The following VAT1L variants were observed in gnomAD, a reference collection of about 807,000 sequenced individuals.
VAT1L encodes the protein vesicle amine transport 1 like.
A neutral mutation model predicts 44.1 loss-of-function variants in VAT1L; 34 were observed. The ratio of observed to expected loss-of-function variants is 0.77; its 90% CI spans 0.59 to 1.03. VAT1L has a LOEUF of 1.03. Ranked by LOEUF, VAT1L falls within the 50% of genes least tolerant of loss-of-function variation. The pLI is 0.00. For missense variants in VAT1L, 615 were observed against 538.8 expected, an observed-to-expected ratio of 1.14 and a Z score of -1.40; for synonymous variants, 253 against 202.2, an observed-to-expected ratio of 1.25 and a Z score of -2.13.
intron 8 of VAT1L, among the ~76,000 whole-genome samples, chr16:77,974,222 G>A (rs778615733): frequency 4.6e-5 from 7 of 152,160 alleles, no homozygotes; most frequent in Non-Finnish European, 8.8e-5. Flanking sequence ...GAGAGGGAGG[G>A]GAGGGAGTGA....
At chr16:77,860,398 G>A (rs994959783) in intron 3 of VAT1L, among the ~76,000 whole-genome samples, 1 of 152,196 alleles carries the variant, frequency 6.6e-6, no homozygotes, top group African/African-American at 2.4e-5. Flanking sequence ...AGGACTCAGT[G>A]GGCAGCTTGG....
At chr16:77,789,906 G>A (rs1013122056) in intron 1 of VAT1L, among the ~76,000 whole-genome samples, 3 of 152,174 alleles carry the variant, frequency 2.0e-5, no homozygotes, top group Admixed American at 1.3e-4. Context: ...AGCAGAGGCG[G>A]ACTGGACCCA....
At position 77,936,679 on chromosome 16, in the gene VAT1L, T is replaced by C. The variant is rs570835709; in HGVS notation, c.1078-35171T>C. On this transcript the variant is annotated intron_variant, in intron 7 of 8. Coordinates refer to ENST00000302536, the MANE Select transcript of VAT1L (RefSeq NM_020927.3). ...CTGCCTCACAGTTTGAATCCCAGGTTCCACACAGGAAGAGGAGGGGCCAGG... is the reference window on the plus strand; with the variant it reads ...CTGCCTCACAGTTTGAATCCCAGGTCCCACACAGGAAGAGGAGGGGCCAGG... 8.2e-4 allele frequency among the ~76,000 whole-genome samples: 125 copies of C among 152,254 alleles called. 2 individuals carry two copies. The highest frequency in any genetic ancestry group is 6.8e-3 in the Middle Eastern group (2 of 294).
chr16:77,962,236 G>A (rs943679691), intron 7 of VAT1L, among the ~76,000 whole-genome samples: 1 of 152,158 alleles, frequency 6.6e-6, no homozygotes, highest in Non-Finnish European at 1.5e-5. Flanking sequence ...CCACCAGGAG[G>A]GGTCCTGCCC....
intron 4 of VAT1L, among the ~76,000 whole-genome samples, chr16:77,871,019 C>T (rs1351054552): frequency 6.6e-6 from 1 of 152,176 alleles, no homozygotes; most frequent in Non-Finnish European, 1.5e-5. Context: ...TACAGTCTTT[C>T]TATGGGGTCT....
In VAT1L at chr16:77,842,719, C is replaced by T. The variant is rs1216854416; in HGVS notation, c.579+17258C>T. On this transcript the variant is annotated intron_variant, in intron 3 of 8. Transcript: ENST00000302536. ...ACTGTAATGTCAGTTTCCTAAAACA[C>T]CTCTGCTCTCTCTACTCCCAGCCCC... is the stretch of plus-strand genomic sequence containing the variant. Among the ~76,000 whole-genome samples the T allele has an allele frequency of 2.0e-5, 3 of 152,250 alleles. No homozygotes were observed. The Middle Eastern group carries it at 0.01, about 518-fold the overall frequency.
chr16:77,807,202 C>T (rs544069610), intron 1 of VAT1L, among the ~76,000 whole-genome samples: 1 of 152,180 alleles, frequency 6.6e-6, no homozygotes, highest in South Asian at 2.1e-4. Context: ...TCACACTACT[C>T]TTCTTGTAGT....
chr16:77,922,735 C>A (rs960562192), intron 7 of VAT1L, among the ~76,000 whole-genome samples: 2 of 152,130 alleles, frequency 1.3e-5, no homozygotes, highest in Non-Finnish European at 2.9e-5. Context: ...CACTCCCAAA[C>A]GCTTCCCATT....
intron 1 of VAT1L, among the ~76,000 whole-genome samples, chr16:77,804,684 C>T: frequency 6.6e-6 from 1 of 152,162 alleles, no homozygotes; most frequent in African/African-American, 2.4e-5. Flanking sequence ...TTCCCCTCTC[C>T]TTCCCCTTCC....
chr16:77,868,977 G>A (rs2017003235), intron 4 of VAT1L, among the ~76,000 whole-genome samples: 1 of 152,118 alleles, frequency 6.6e-6, no homozygotes, highest in Non-Finnish European at 1.5e-5. Flanking sequence ...GCTCTTAAAT[G>A]GAGTAAACAT....
intron 7 of VAT1L, among the ~76,000 whole-genome samples, chr16:77,905,760 G>A (rs1299329834): frequency 6.6e-6 from 1 of 152,052 alleles, no homozygotes; most frequent in Non-Finnish European, 1.5e-5. Flanking sequence ...GTGTTTGTGC[G>A]TCCTCTGAAG....
chr16:77,826,156 G>A (rs1330144546), intron 3 of VAT1L, among the ~76,000 whole-genome samples: 2 of 149,188 alleles, frequency 1.3e-5, no homozygotes, highest in African/African-American at 2.5e-5. Context: ...GCAGTGAGCC[G>A]AGATCCCGCC....
chr16:77,860,869 T>C (rs1454175771), intron 3 of VAT1L, among the ~76,000 whole-genome samples: 2 of 152,186 alleles, frequency 1.3e-5, no homozygotes, highest in African/African-American at 4.8e-5. Flanking sequence ...ATGTCTATTT[T>C]AGGTAGGAAG....
intron 7 of VAT1L, among the ~76,000 whole-genome samples, chr16:77,907,355 T>C (rs1459475256): frequency 2.0e-5 from 3 of 152,204 alleles, no homozygotes; most frequent in Non-Finnish European, 4.4e-5. Context: ...GCAGAAACCC[T>C]GGCTATGTCT....
rs1293203207 is a variant in VAT1L at position 77,876,387 on chromosome 16, T to C, written c.740T>C (p.Val247Ala). The C allele has an allele frequency of 6.2e-7, 1 of 1,614,192 alleles. No homozygotes were observed. The highest frequency in any genetic ancestry group is 1.7e-5 in the Admixed American group (1 of 60,024). The change falls in exon 5 of 9, where the codon GTG (valine) becomes GCG (alanine). Residue 247 changes from valine (V) to alanine (A), a missense_variant. Coordinates refer to ENST00000302536, the MANE Select transcript of VAT1L (RefSeq NM_020927.3). The part of the protein sequence containing the change: ...QEVKRISAEG[V>A]DIVLDCLCGD... Reference sequence around the variant, plus strand: ...CCATTTAGAATCTCTGCTGAAGGTGTGGACATCGTTTTGGATTGCCTCTGT... The same window carrying C: ...CCATTTAGAATCTCTGCTGAAGGTGCGGACATCGTTTTGGATTGCCTCTGT...
rs182050226 is a variant in VAT1L at position 77,805,737 on chromosome 16, C to T, written c.234-11184C>T. ...GCCTCTCCGCCAGTGTCGTGATCTC[C>T]GACTTCCCACAGACACATAGAAAGC... On this transcript the variant is annotated intron_variant, in intron 1 of 8. Transcript: ENST00000302536. Among the ~76,000 whole-genome samples the T allele has an allele frequency of 7.2e-5, 11 of 152,116 alleles. No individual in the cohort carries two copies. The East Asian group carries it at 1.9e-3, about 27-fold the overall frequency.
At chr16:77,862,425 G>A (rs765372728) in intron 3 of VAT1L, among the ~76,000 whole-genome samples, 1 of 151,900 alleles carries the variant, frequency 6.6e-6, no homozygotes, top group Non-Finnish European at 1.5e-5. Context: ...GACCAGCCTG[G>A]GCAACACGGT....
chr16:77,935,417 G>A (rs1203239110), intron 7 of VAT1L, among the ~76,000 whole-genome samples: 3 of 150,164 alleles, frequency 2.0e-5, no homozygotes, highest in Non-Finnish European at 3.0e-5. Flanking sequence ...CTTTGGGCAC[G>A]AGAATTTTTT....
intron 7 of VAT1L, among the ~76,000 whole-genome samples, chr16:77,912,558 TTTATTA>T (rs367798370): frequency 6.6e-6 from 1 of 152,078 alleles, no homozygotes; most frequent in Non-Finnish European, 1.5e-5. Context: ...CTACTTTATG[TTTATTA>T]TTATTATTTT....
Sources: allele counts gnomAD v4.1 joint callset (sites outside exome capture counted in the v4.1 genomes callset), GRCh38; gene constraint gnomAD v4.1.1; transcripts MANE v1.5; gene names NCBI Gene and HGNC (gene_info 2026-07-23, HGNC 2026-07-21).